Variants in SLC1A6 observed in about 807,000 individuals in gnomAD.
SLC1A6 encodes solute carrier family 1 member 6, also known as excitatory amino acid transporter 4.
In SLC1A6, 15 loss-of-function variants were observed where a neutral mutation model predicts 42.1. That is an observed-to-expected ratio of 0.36 (90% CI 0.24 to 0.55). The LOEUF (loss-of-function observed/expected upper bound fraction) is 0.55, where lower values mean the gene tolerates loss of function less well. Ranked by LOEUF, SLC1A6 falls within the 20% of genes least tolerant of loss-of-function variation. SLC1A6 has a pLI of 0.88. For synonymous variants in SLC1A6, 317 were observed against 319.7 expected (o/e 0.99, Z 0.09); for missense variants, 542 against 772.5 (o/e 0.70, Z 3.54).
chr19:15,001,023 G>A (rs1357275206), intron 1 of SLC1A6, among the ~76,000 whole-genome samples: 1 of 152,216 alleles, frequency 6.6e-6, no homozygotes, highest in Non-Finnish European at 1.5e-5. Flanking sequence ...TGAACAGCTA[G>A]AACAGGAATG....
chr19:14,987,085 C>T (rs1315422051), intron 1 of SLC1A6, among the ~76,000 whole-genome samples: 1 of 152,070 alleles, frequency 6.6e-6, no homozygotes, highest in African/African-American at 2.4e-5. Context: ...TTGCAGACCC[C>T]CTGAATGGTC....
chr19:14,950,308 C>T lies in SLC1A6; in HGVS notation c.1582G>A (p.Glu528Lys). 1.9e-6 allele frequency: 3 copies of T among 1,612,152 alleles called. No individual in the cohort carries two copies. The highest frequency in any genetic ancestry group is 2.5e-6 in the Non-Finnish European group (3 of 1,179,012). Residue 528 changes from glutamate (E) to lysine (K), a missense_variant, in exon 10 of 10, where the codon GAG becomes AAG. Physicochemically the swap from Glu to Lys is moderately conservative, Grantham distance 56. Around this residue, in one of 6 missense-constraint regions of SLC1A6, gnomAD observed 73 missense variants for 85.2 expected, o/e 0.86. Transcript: ENST00000594383. ...AGGGTAAGCTCAGCTTCCTGAAGCT[C>T]CAGCTCCCGCTGAGACAAGTGCTCG... is the stretch of plus-strand genomic sequence containing the variant. ...VIEHLSQREL[E>K]LQEAELTLPS...
Position 14,968,514 on chromosome 19 carries a change from G to A in SLC1A6, c.344-7C>T, listed in dbSNP as rs2045600215. 5.6e-6 allele frequency: 9 copies of A among 1,600,544 alleles called. No individual in the cohort carries two copies. In the East Asian group the frequency reaches 2.0e-4, roughly 36 times the overall value. On this transcript the variant is annotated splice_polypyrimidine_tract_variant and splice_region_variant and intron_variant, in intron 3 of 9. Coordinates refer to ENST00000594383, the MANE Select transcript of SLC1A6 (RefSeq NM_005071.3). ...TTGTCCAGGGATGCCATACCTGAAG[G>A]ACAGATGATGTGGCCCCCGCAGCTC...
At chr19:15,008,465 T>C (rs2045907224) in intron 1 of SLC1A6, among the ~76,000 whole-genome samples, 1 of 152,054 alleles carries the variant, frequency 6.6e-6, no homozygotes, top group Non-Finnish European at 1.5e-5. Flanking sequence ...TTGGTGGGGA[T>C]GCAAATTAGT....
At chr19:15,007,790 C>T (rs1007376093) in intron 1 of SLC1A6, among the ~76,000 whole-genome samples, 6 of 151,996 alleles carry the variant, frequency 3.9e-5, no homozygotes, top group African/African-American at 7.2e-5. Flanking sequence ...TTTGTGGGGG[C>T]GAGACGGGTG....
At chr19:14,992,796 A>AC (rs1324939862) in intron 1 of SLC1A6, among the ~76,000 whole-genome samples, 6 of 152,072 alleles carry the variant, frequency 3.9e-5, no homozygotes, top group Non-Finnish European at 5.9e-5. Flanking sequence ...CAGACGGAGC[A>AC]CCCCGGGCTG....
chr19:14,992,112 C>T (rs757042927), intron 1 of SLC1A6, among the ~76,000 whole-genome samples: 2 of 152,240 alleles, frequency 1.3e-5, no homozygotes, highest in Non-Finnish European at 2.9e-5. Context: ...AGGCGTGAGC[C>T]AACGCGCCCA....
rs568693961 is a variant in SLC1A6 at position 14,950,186 on chromosome 19, G to T, written c.*9C>A. ...CCCTCCTCTCTGGGGGGGCAGAGCT[G>T]GAGGCCCCTCACATAGCACTCTCGT... On this transcript the variant is annotated 3_prime_UTR_variant, in exon 10 of 10. Coordinates refer to ENST00000594383, the MANE Select transcript of SLC1A6 (RefSeq NM_005071.3). 8 of 1,525,286 alleles carry T rather than the reference G, an allele frequency of 5.2e-6. No individual in the cohort carries two copies. The highest frequency in any genetic ancestry group is 7.1e-6 in the Non-Finnish European group (8 of 1,130,234). The allele number at this position is 1,525,286 out of a possible 1,614,324, so 94.5% of individuals were successfully genotyped here.
At chr19:14,996,629 T>A (rs548207943) in intron 1 of SLC1A6, among the ~76,000 whole-genome samples, 1 of 148,644 alleles carries the variant, frequency 6.7e-6, no homozygotes, top group Admixed American at 6.8e-5. Flanking sequence ...GACATGATTT[T>A]GATGGTTTAT....
intron 1 of SLC1A6, among the ~76,000 whole-genome samples, chr19:15,009,011 A>G (rs1339394277): frequency 1.3e-5 from 2 of 150,542 alleles, no homozygotes; most frequent in Admixed American, 6.7e-5. Context: ...ATATAAACAT[A>G]TATATATAAA....
chr19:14,956,475 C>A lies in SLC1A6; in HGVS notation c.1169+1G>T. ...TGCTGGGGTGGGGAGCAAGGCCATACCTGGAAGACGTGCCCATAGCGGTGA... is the reference window on the plus strand; with the variant it reads ...TGCTGGGGTGGGGAGCAAGGCCATAACTGGAAGACGTGCCCATAGCGGTGA... On this transcript the variant is annotated splice_donor_variant, in intron 7 of 9. Transcript: ENST00000594383. LOFTEE classifies it high-confidence loss of function. The A allele has an allele frequency of 6.4e-7, 1 of 1,563,706 alleles. No homozygotes were observed. The highest frequency in any genetic ancestry group is 8.7e-7 in the Non-Finnish European group (1 of 1,150,888).
intron 1 of SLC1A6, among the ~76,000 whole-genome samples, chr19:15,008,097 A>T (rs968196916): frequency 8.6e-5 from 13 of 150,500 alleles, no homozygotes; most frequent in African/African-American, 2.9e-4. Context: ...TAATCTCACC[A>T]TTTTGGGAGG....
chr19:14,961,903 G>C, intron 6 of SLC1A6, 99 bp downstream of exon 6: 2 of 1,497,284 alleles, frequency 1.3e-6, no homozygotes. Context: ...ATACGTAAAT[G>C]AATGACCAAA....
chr19:14,956,204 T>C (rs1206648347), intron 7 of SLC1A6, among the ~76,000 whole-genome samples: 1 of 152,068 alleles, frequency 6.6e-6, no homozygotes, highest in African/African-American at 2.4e-5. Flanking sequence ...ACTGAGCTCA[T>C]GGGGCATCCT....
At chr19:14,993,127 T>C (rs2045828943) in intron 1 of SLC1A6, among the ~76,000 whole-genome samples, 1 of 151,988 alleles carries the variant, frequency 6.6e-6, no homozygotes, top group Non-Finnish European at 1.5e-5. Flanking sequence ...TGTCTAAAAG[T>C]AGAATTTCAG....
rs57486120 is a variant in SLC1A6 at position 14,970,710 on chromosome 19, C to CA, written c.343+1026dup. On this transcript the variant is annotated intron_variant, in intron 3 of 9. Coordinates refer to ENST00000594383, the MANE Select transcript of SLC1A6 (RefSeq NM_005071.3). ...TGGGCAACGGAGCGACACTCTGTCTCAAAAAAAAAAAGAATATAGTATATA... is the reference window on the plus strand; with the variant it reads ...TGGGCAACGGAGCGACACTCTGTCTCAAAAAAAAAAAAGAATATAGTATATA... Among the ~76,000 whole-genome samples, 741 of 137,922 alleles carry CA rather than the reference C, an allele frequency of 5.4e-3. 8 individuals carry two copies. In the East Asian group the frequency reaches 0.066, roughly 12 times the overall value. The allele number at this position is 137,922 out of a possible 152,430, so 90.5% of individuals were successfully genotyped here.
At chr19:14,973,709 TGCATACGGAGCCCTAGACAAA>T (rs1318637101) in intron 1 of SLC1A6, 1 of 152,556 alleles carries the variant, frequency 6.6e-6, no homozygotes, top group Middle Eastern at 3.2e-3. Flanking sequence ...AAGTGCCAGC[TGCATACGGAGCCCTAGACAAA>T]GCACCCGGAG....
chr19:15,002,886 T>TCA (rs1224899121), intron 1 of SLC1A6, among the ~76,000 whole-genome samples: 1 of 113,072 alleles, frequency 8.8e-6, no homozygotes, highest in Non-Finnish European at 1.9e-5. Context: ...GCCTGAGCCA[T>TCA]TATTTTTGTT....
intron 1 of SLC1A6, among the ~76,000 whole-genome samples, chr19:15,003,450 G>A (rs907367786): frequency 2.0e-5 from 3 of 152,076 alleles, no homozygotes; most frequent in Middle Eastern, 6.3e-3. Flanking sequence ...CACCAGAAAA[G>A]CGACCTCATT....
Sources: gnomAD v4.1 joint callset for allele counts (sites outside exome capture counted in the v4.1 genomes callset) on GRCh38, gnomAD v4.1.1 for gene constraint, gnomAD v4.1.1 regional missense constraint, MANE v1.5 for transcripts, NCBI Gene and HGNC (gene_info 2026-07-23, HGNC 2026-07-21) for gene names.